The following PMFBP1 variants were observed in gnomAD, a reference collection of about 807,000 sequenced individuals.
PMFBP1 encodes the protein polyamine modulated factor 1 binding protein 1.
PMFBP1 carries 131 observed loss-of-function variants against 137.8 expected under a neutral mutation model. The ratio of observed to expected loss-of-function variants is 0.95; its 90% CI spans 0.82 to 1.10. PMFBP1 has a LOEUF of 1.10. Among genes scored for constraint, PMFBP1 ranks in the 50% least tolerant of loss-of-function variants. The pLI is 0.00. For synonymous variants in PMFBP1, 490 were observed against 450.4 expected, an observed-to-expected ratio of 1.09 and a Z score of -1.11; for missense variants, 1,199 against 1,175.4, an observed-to-expected ratio of 1.02 and a Z score of -0.29.
intron 7 of PMFBP1, 27 bp from the exon 8 acceptor site, chr16:72,136,846 T>C (rs2042640509): frequency 6.2e-7 from 1 of 1,613,406 alleles, no homozygotes; most frequent in African/African-American, 1.3e-5. Flanking sequence ...CAGGGCAGGA[T>C]GAGGAGATGA....
At chr16:72,145,994 A>G (rs2042800159) in intron 5 of PMFBP1, among the ~76,000 whole-genome samples, 1 of 152,204 alleles carries the variant, frequency 6.6e-6, no homozygotes, top group South Asian at 2.1e-4. Flanking sequence ...ATTCCAATCA[A>G]TAGAAAAAGA....
intron 5 of PMFBP1, 24 bp downstream of exon 5, chr16:72,150,584 T>G: frequency 6.2e-7 from 1 of 1,608,208 alleles, no homozygotes; most frequent in Non-Finnish European, 8.5e-7. Flanking sequence ...TTGCCTGGAT[T>G]GAATGGCCTG....
intron 19 of PMFBP1, among the ~76,000 whole-genome samples, chr16:72,122,367 T>A (rs2042388728): frequency 6.6e-6 from 1 of 152,154 alleles, no homozygotes; most frequent in South Asian, 2.1e-4. Flanking sequence ...AAAATCTCAG[T>A]TTTAGGCCTT....
intron 4 of PMFBP1, among the ~76,000 whole-genome samples, chr16:72,153,388 AT>A (rs1321389384): frequency 2.6e-5 from 4 of 151,728 alleles, no homozygotes; most frequent in East Asian, 1.9e-4. Context: ...ACTCTTTGAA[AT>A]TTTTTTTTCT....
At chr16:72,172,632 G>C (rs2043232691), upstream of PMFBP1, among the ~76,000 whole-genome samples, 1 of 151,864 alleles carries the variant, frequency 6.6e-6, no homozygotes, top group African/African-American at 2.4e-5. Flanking sequence ...ATGTCAGAGA[G>C]ATTGCGGGTT....
the PMFBP1 span, among the ~76,000 whole-genome samples, chr16:72,244,160 G>A: frequency 1.1e-4 from 16 of 152,106 alleles, no homozygotes; most frequent in Non-Finnish European, 2.1e-4. Context: ...GCAAATTAAA[G>A]TGATCACATT....
chr16:72,148,889 C>T (rs2042856132), intron 5 of PMFBP1, among the ~76,000 whole-genome samples: 1 of 152,174 alleles, frequency 6.6e-6, no homozygotes, highest in Non-Finnish European at 1.5e-5. Flanking sequence ...AGGCCAAGCA[C>T]CTCTCCCTAT....
chr16:72,249,920 CAAAAA>C, the PMFBP1 span, among the ~76,000 whole-genome samples: 1 of 30,124 alleles, frequency 3.3e-5, no homozygotes, highest in African/African-American at 1.2e-4. Context: ...GACTCCATCG[CAAAAA>C]AAAAAAAAAA....
the PMFBP1 span, among the ~76,000 whole-genome samples, chr16:72,216,112 T>C: frequency 6.6e-6 from 1 of 152,110 alleles, no homozygotes; most frequent in African/African-American, 2.4e-5. Context: ...AAGTACACCA[T>C]GTGGGCCTCC....
At position 72,122,930 on chromosome 16, in the gene PMFBP1, G is replaced by T. The variant is rs144611852; in HGVS notation, c.2752C>A (p.Leu918Met). Reference sequence around the variant, plus strand: ...ATGACTTACTCCTTTTCGCCACTCAGCTTGGCAATGTATTTCACCTGCTCT... The same window carrying T: ...ATGACTTACTCCTTTTCGCCACTCATCTTGGCAATGTATTTCACCTGCTCT... ...LREQVKYIAKLSGEKDHLHSV... is the reference protein window; with the variant it reads ...LREQVKYIAKMSGEKDHLHSV... The change falls in exon 19 of 21, where the codon CTG becomes ATG. Residue 918 changes from leucine to methionine, a missense_variant. Physicochemically the swap from Leu to Met is conservative, Grantham distance 15. Coordinates refer to ENST00000237353, the MANE Select transcript of PMFBP1 (RefSeq NM_031293.3). 6.2e-7 allele frequency: 1 copy of T among 1,613,336 alleles called. No homozygotes were observed. Among genetic ancestry groups the T allele is most frequent in the African/African-American group, 1.3e-5 (1 of 75,040 alleles).
chr16:72,182,395 C>T, the PMFBP1 span, among the ~76,000 whole-genome samples: 4 of 150,668 alleles, frequency 2.7e-5, no homozygotes, highest in Non-Finnish European at 5.9e-5. Context: ...ACTTGAGAGG[C>T]TGAGGCACGA....
chr16:72,198,734 T>C, the PMFBP1 span, among the ~76,000 whole-genome samples: 5 of 152,058 alleles, frequency 3.3e-5, no homozygotes, highest in Non-Finnish European at 7.4e-5. Context: ...CCCATCATAA[T>C]AAGGCAAACC....
intron 6 of PMFBP1, among the ~76,000 whole-genome samples, chr16:72,140,036 AT>A (rs1416098856): frequency 5.9e-5 from 9 of 152,372 alleles, no homozygotes; most frequent in Admixed American, 2.6e-4. Context: ...TCTGCAACTT[AT>A]TCTTGACGAT....
At chr16:72,225,172 C>T in the PMFBP1 span, 1 of 152,168 alleles carries the variant, frequency 6.6e-6, no homozygotes, top group Non-Finnish European at 1.5e-5. Context: ...AGAACTAGAA[C>T]ACTTCAGAAT....
the PMFBP1 span, among the ~76,000 whole-genome samples, chr16:72,190,471 G>GT: frequency 6.6e-6 from 1 of 152,232 alleles, no homozygotes; most frequent in African/African-American, 2.4e-5. Flanking sequence ...GAGGACTGCA[G>GT]TTACACTTAC....
the PMFBP1 span, among the ~76,000 whole-genome samples, chr16:72,212,975 AG>A: frequency 6.6e-6 from 1 of 152,238 alleles, no homozygotes; most frequent in African/African-American, 2.4e-5. Flanking sequence ...TCCAAATGTT[AG>A]GGAATATCAA....
rs140304498 is a variant in PMFBP1, at chr16:72,139,389, C to T, written c.818G>A (p.Arg273His). ...LACSNALVLE[R>H]EKALIKLQAD... ...TTGTAGTTTTATCAAAGCCTTTTCA[C>T]GCTCCAGAACCTGCAAATAAGCTTA... The change falls in exon 7 of 21, where the codon CGT becomes CAT. Residue 273 changes from arginine (R) to histidine (H), a missense_variant. Physicochemically the swap from Arg to His is conservative, Grantham distance 29 (BLOSUM62 0). Transcript: ENST00000237353. The T allele has an allele frequency of 1.9e-4, 303 of 1,613,430 alleles. 1 individual carries two copies. In the East Asian group the frequency reaches 3.9e-3, roughly 21 times the overall value.
the PMFBP1 span, among the ~76,000 whole-genome samples, chr16:72,197,784 A>C: frequency 6.6e-5 from 10 of 152,226 alleles, no homozygotes; most frequent in Non-Finnish European, 1.5e-5. Flanking sequence ...AAATTGCAGC[A>C]GTGTGCCTCA....
At chr16:72,178,854 C>A (rs572847693), upstream of PMFBP1, among the ~76,000 whole-genome samples, 115 of 152,244 alleles carry the variant, frequency 7.6e-4, 1 homozygote, top group South Asian at 7.9e-3. Flanking sequence ...CATTTGGAAA[C>A]AACTGGAACA....
Sources: allele counts gnomAD v4.1 joint callset (sites outside exome capture counted in the v4.1 genomes callset), GRCh38; gene constraint gnomAD v4.1.1; transcripts MANE v1.5; gene names NCBI Gene and HGNC (gene_info 2026-07-23, HGNC 2026-07-21).